Variants in TXNDC5 observed in about 807,000 individuals in gnomAD.
TXNDC5 encodes thioredoxin domain-containing protein 5.
In TXNDC5, 44 loss-of-function variants were observed where a neutral mutation model predicts 52.6. The ratio of observed to expected loss-of-function variants is 0.84; its 90% CI spans 0.66 to 1.08. The LOEUF (loss-of-function observed/expected upper bound fraction) is 1.08, where lower values mean the gene tolerates loss of function less well. Ranked by LOEUF, TXNDC5 falls within the 50% of genes least tolerant of loss-of-function variation. TXNDC5 has a pLI of 0.00. For synonymous variants in TXNDC5, 241 were observed against 234.4 expected (o/e 1.03, Z -0.26); for missense variants, 600 against 565.5 (o/e 1.06, Z -0.62).
In TXNDC5 at chr6:7,882,707, G is replaced by C. The variant is rs1277389591; in HGVS notation, c.*437C>G. Reference sequence around the variant, plus strand: ...GTCAACTGTGACCTTAAGATCAGAGGAACGTCAATACTGCCACAAGGCCAC... The same window carrying C: ...GTCAACTGTGACCTTAAGATCAGAGCAACGTCAATACTGCCACAAGGCCAC... On this transcript the variant is annotated 3_prime_UTR_variant, in exon 10 of 10. Transcript: ENST00000379757. The C allele has an allele frequency of 2.4e-4, 42 of 178,084 alleles. No individual in the cohort carries two copies. Among genetic ancestry groups the C allele is most frequent in the Admixed American group, 2.1e-3 (38 of 18,258 alleles). The allele number at this position is 178,084 out of a possible 1,614,324, so 11.0% of individuals were successfully genotyped here.
intron 4 of TXNDC5, among the ~76,000 whole-genome samples, chr6:7,894,295 A>G (rs963634018): frequency 2.0e-5 from 3 of 150,816 alleles, no homozygotes; most frequent in Non-Finnish European, 4.4e-5. Flanking sequence ...TTCTGTAGAG[A>G]CAAGGTCTTG....
At chr6:7,900,010 T>C (rs1760507654) in intron 2 of TXNDC5, 1 of 161,908 alleles carries the variant, frequency 6.2e-6, no homozygotes, top group Non-Finnish European at 1.3e-5. Flanking sequence ...AAGCTACTGT[T>C]ATGCTTTCCC....
intron 1 of TXNDC5, among the ~76,000 whole-genome samples, chr6:7,907,388 A>G (rs1477091890): frequency 6.6e-6 from 1 of 152,158 alleles, no homozygotes; most frequent in East Asian, 1.9e-4. Context: ...GCCTGTGGCC[A>G]AGAAGTAGAG....
intron 1 of TXNDC5, among the ~76,000 whole-genome samples, chr6:7,907,197 TTAAGAA>T (rs1760766217): frequency 6.7e-6 from 1 of 148,384 alleles, no homozygotes. Flanking sequence ...CAAGATTAGA[TTAAGAA>T]TGAGAATAAA....
At chr6:7,907,437 A>C (rs1044614454) in intron 1 of TXNDC5, among the ~76,000 whole-genome samples, 13 of 152,172 alleles carry the variant, frequency 8.5e-5, no homozygotes, top group African/African-American at 1.7e-4. Context: ...CACTGTCACC[A>C]GGTTCAGGGT....
intron 6 of TXNDC5, chr6:7,889,086 G>A (rs1033332397): frequency 5.8e-6 from 3 of 512,908 alleles, no homozygotes; most frequent in African/African-American, 3.9e-5. Flanking sequence ...ACAGAAGTCT[G>A]GGGCAGAGGC....
chr6:7,889,403 G>T, intron 6 of TXNDC5, 92 bp downstream of exon 6: 1 of 1,019,052 alleles, frequency 9.8e-7, no homozygotes, highest in Non-Finnish European at 1.5e-6. Flanking sequence ...AATCAAGATT[G>T]GCAATTCACT....
intron 1 of TXNDC5, among the ~76,000 whole-genome samples, chr6:7,908,114 C>G (rs1027884473): frequency 2.0e-5 from 3 of 151,982 alleles, no homozygotes; most frequent in African/African-American, 4.8e-5. Context: ...GAAACCCCAT[C>G]TCTACTAAAA....
In TXNDC5 at chr6:7,882,499, G is replaced by A. The variant is rs374697218; in HGVS notation, c.*645C>T. On this transcript the variant is annotated 3_prime_UTR_variant, in exon 10 of 10. Transcript: ENST00000379757. ...ACAAGTATCGACACATAAAGTTATGGCATCAGCATTCTCTTACTCAGGCAC... is the reference window on the plus strand; with the variant it reads ...ACAAGTATCGACACATAAAGTTATGACATCAGCATTCTCTTACTCAGGCAC... 9.8e-5 allele frequency: 15 copies of A among 152,318 alleles called. No homozygotes were observed. Among genetic ancestry groups the A allele is most frequent in the African/African-American group, 3.4e-4 (14 of 41,440 alleles). 9.4% of individuals were successfully genotyped at this position (152,318 alleles called of 1,614,324 possible).
At chr6:7,888,089 TTTATTC>T (rs199497796) in intron 7 of TXNDC5, among the ~76,000 whole-genome samples, 1 of 152,328 alleles carries the variant, frequency 6.6e-6, no homozygotes, top group East Asian at 1.9e-4. Flanking sequence ...CGGTCTTATT[TTTATTC>T]CCTGGTGGCC....
At chr6:7,894,247 T>C (rs886435324) in intron 4 of TXNDC5, among the ~76,000 whole-genome samples, 5 of 150,660 alleles carry the variant, frequency 3.3e-5, no homozygotes, top group African/African-American at 1.2e-4. Context: ...GCTTCAGGAG[T>C]GCGCTTACCA....
intron 7 of TXNDC5, among the ~76,000 whole-genome samples, chr6:7,886,416 G>A (rs774334126): frequency 6.6e-5 from 10 of 152,322 alleles, no homozygotes; most frequent in South Asian, 4.1e-4. Context: ...TGACACTTGA[G>A]TCTGCACCTC....
rs557306201 is a variant in TXNDC5, at chr6:7,884,611, T to A, written c.1047-123A>T. ...CAGTCAACAATTGCCTAGAAATTTG[T>A]AAAATACCAAATTCTCCCACTGGGT... is the stretch of plus-strand genomic sequence containing the variant. On this transcript the variant is annotated intron_variant, in intron 8 of 9. Transcript: ENST00000379757. The A allele has an allele frequency of 6.6e-6, 9 of 1,370,064 alleles. No homozygotes were observed. The South Asian group carries it at 9.6e-5, about 15-fold the overall frequency. 84.9% of individuals were successfully genotyped at this position (1,370,064 alleles called of 1,614,324 possible).
intron 8 of TXNDC5, 130 bp from the exon 9 acceptor site, chr6:7,884,618 C>T (rs569129366): frequency 7.9e-7 from 1 of 1,262,616 alleles, no homozygotes; most frequent in East Asian, 2.6e-5. Context: ...TTGTAAAATA[C>T]CAAATTCTCC....
At chr6:7,885,912 T>C in intron 8 of TXNDC5, 49 bp downstream of exon 8, 1 of 1,557,196 alleles carries the variant, frequency 6.4e-7, no homozygotes, top group Middle Eastern at 1.7e-4. Flanking sequence ...AAACATGATG[T>C]GACTTAGTAC....
At chr6:7,885,918 AG>A in intron 8 of TXNDC5, 42 bp downstream of exon 8, 1 of 1,574,404 alleles carries the variant, frequency 6.4e-7, no homozygotes, top group Non-Finnish European at 8.7e-7. Context: ...GATGTGACTT[AG>A]TACACATGGA....
chr6:7,888,743 C>T lies in TXNDC5; in HGVS notation c.925G>A (p.Glu309Lys), dbSNP rs747990758. The T allele has an allele frequency of 1.2e-6, 2 of 1,613,754 alleles. No homozygotes were observed. Among genetic ancestry groups the T allele is most frequent in the African/African-American group, 2.7e-5 (2 of 74,936 alleles). Residue 309 changes from glutamate to lysine, a missense_variant, in exon 7 of 10, where the codon GAG (glutamate) becomes AAG (lysine). Coordinates refer to ENST00000379757, the MANE Select transcript of TXNDC5 (RefSeq NM_030810.5). ...TGATETVTPSEAPVLAAEPEA... is the reference protein window; with the variant it reads ...TGATETVTPSKAPVLAAEPEA... ...GGCTCAGCTGCCAGCACCGGGGCCT[C>T]TGAGGGCGTGACGGTCTCCGTCGCT... is the stretch of plus-strand genomic sequence containing the variant.
chr6:7,888,529 T>C (rs1581310640), intron 7 of TXNDC5, among the ~76,000 whole-genome samples, 176 bp downstream of exon 7: 2 of 152,108 alleles, frequency 1.3e-5, no homozygotes, highest in South Asian at 2.1e-4. Context: ...CCTGAAAGCA[T>C]GTGAAAGTCG....
At chr6:7,889,614 GT>G in intron 5 of TXNDC5, 33 bp from the exon 6 acceptor site, 1 of 1,556,610 alleles carries the variant, frequency 6.4e-7, no homozygotes, top group Non-Finnish European at 8.8e-7. Context: ...TTCCCAGTCA[GT>G]TTCTTCATGA....
Sources: allele counts gnomAD v4.1 joint callset (sites outside exome capture counted in the v4.1 genomes callset), GRCh38; gene constraint gnomAD v4.1.1; transcripts MANE v1.5; gene names NCBI Gene and HGNC (gene_info 2026-07-23, HGNC 2026-07-21).